Variants in EXOC6B observed in about 807,000 individuals in gnomAD.
The protein encoded by EXOC6B is SEC15 homolog B.
EXOC6B carries 54 observed loss-of-function variants against 113.5 expected under a neutral mutation model. The ratio of observed to expected loss-of-function variants is 0.48; its 90% CI spans 0.38 to 0.60. The LOEUF is 0.60. Among genes scored for constraint, EXOC6B ranks in the 20% least tolerant of loss-of-function variants. The pLI is 0.00. For synonymous variants in EXOC6B, 357 were observed against 339.0 expected, an observed-to-expected ratio of 1.05 and a Z score of -0.58; for missense variants, 797 against 977.5, an observed-to-expected ratio of 0.82 and a Z score of 2.46.
intron 11 of EXOC6B, among the ~76,000 whole-genome samples, chr2:72,512,654 G>C (rs1299010280): frequency 6.6e-6 from 1 of 151,928 alleles, no homozygotes; most frequent in Non-Finnish European, 1.5e-5. Flanking sequence ...AGGCACTATA[G>C]AAGGCAAAAT....
chr2:72,593,682 C>T (rs1183664875), intron 6 of EXOC6B, among the ~76,000 whole-genome samples: 1 of 150,906 alleles, frequency 6.6e-6, no homozygotes, highest in Non-Finnish European at 1.5e-5. Flanking sequence ...TAACAGAGCC[C>T]TCAAATTTGT....
chr2:72,697,425 C>A (rs1033161005), intron 6 of EXOC6B, among the ~76,000 whole-genome samples: 2 of 152,034 alleles, frequency 1.3e-5, no homozygotes, highest in African/African-American at 4.8e-5. Flanking sequence ...GTGGATCCTG[C>A]CTGTAATCCC....
chr2:72,519,117 T>C (rs1701362660), intron 8 of EXOC6B, among the ~76,000 whole-genome samples: 1 of 152,176 alleles, frequency 6.6e-6, no homozygotes, highest in Non-Finnish European at 1.5e-5. Flanking sequence ...GCAATACTCA[T>C]AGTTCTTTCA....
chr2:72,700,902 G>C (rs1231902311), intron 6 of EXOC6B, among the ~76,000 whole-genome samples: 1 of 152,110 alleles, frequency 6.6e-6, no homozygotes, highest in Non-Finnish European at 1.5e-5. Flanking sequence ...AGTGAGCCGA[G>C]ATGGTGCCAC....
intron 19 of EXOC6B, among the ~76,000 whole-genome samples, chr2:72,359,165 C>T (rs1349079078): frequency 6.6e-6 from 1 of 151,956 alleles, no homozygotes; most frequent in African/African-American, 2.4e-5. Context: ...ATTTTTGCTC[C>T]TTGCTGTATT....
At chr2:72,336,526 T>TAAAC (rs10636852) in intron 19 of EXOC6B, among the ~76,000 whole-genome samples, 152,253 of 152,302 alleles carry the variant, frequency 1, 76,102 homozygotes, top group Middle Eastern at 1. Context: ...ACAGATGTAT[T>TAAAC]AACAATATAC....
intron 19 of EXOC6B, among the ~76,000 whole-genome samples, chr2:72,338,297 T>C (rs1260375812): frequency 6.6e-6 from 1 of 152,130 alleles, no homozygotes; most frequent in Non-Finnish European, 1.5e-5. Context: ...TTATAATTAG[T>C]TTTTTAGTGT....
At chr2:72,496,685 T>C (rs992729198) in intron 13 of EXOC6B, 126 bp from the exon 14 acceptor site, 1 of 669,774 alleles carries the variant, frequency 1.5e-6, no homozygotes, top group South Asian at 1.6e-5. Context: ...TTAATATATA[T>C]GCCACAACCC....
chr2:72,664,038 G>C (rs1033791315), intron 6 of EXOC6B, among the ~76,000 whole-genome samples: 17 of 152,202 alleles, frequency 1.1e-4, no homozygotes, highest in African/African-American at 2.6e-4. Context: ...ACCAGGAATG[G>C]TAGTTCACGG....
At chr2:72,226,829 C>T (rs1681272973) in intron 20 of EXOC6B, among the ~76,000 whole-genome samples, 1 of 152,044 alleles carries the variant, frequency 6.6e-6, no homozygotes, top group African/African-American at 2.4e-5. Context: ...ATGTGAACAG[C>T]CAAGTGGTGA....
chr2:72,209,558 T>C (rs1195066602), intron 20 of EXOC6B, among the ~76,000 whole-genome samples: 1 of 152,044 alleles, frequency 6.6e-6, no homozygotes, highest in African/African-American at 2.4e-5. Flanking sequence ...AGCTCAGACT[T>C]CCCTAAAATT....
chr2:72,547,729 GC>G (rs1450763940), intron 8 of EXOC6B, among the ~76,000 whole-genome samples: 1 of 152,078 alleles, frequency 6.6e-6, no homozygotes, highest in Non-Finnish European at 1.5e-5. Context: ...GAGGATTAGG[GC>G]CGACTGAATC....
At chr2:72,234,083 CTTTTT>C (rs34660222) in intron 20 of EXOC6B, among the ~76,000 whole-genome samples, 14 of 131,876 alleles carry the variant, frequency 1.1e-4, no homozygotes, top group African/African-American at 4.1e-4. Flanking sequence ...TGGACCGCCT[CTTTTT>C]TTTTTTTTTT....
chr2:72,283,410 A>C (rs1237459928), intron 20 of EXOC6B, among the ~76,000 whole-genome samples: 2 of 152,164 alleles, frequency 1.3e-5, no homozygotes, highest in Non-Finnish European at 2.9e-5. Context: ...TTGGAAGGAC[A>C]GATAGATAAA....
intron 8 of EXOC6B, among the ~76,000 whole-genome samples, chr2:72,556,435 A>G (rs1007863869): frequency 6.6e-6 from 1 of 152,172 alleles, no homozygotes; most frequent in African/African-American, 2.4e-5. Context: ...AAGAGCAACT[A>G]TCTTTCTTCA....
In EXOC6B at chr2:72,515,113, G is replaced by C; in HGVS notation, c.929C>G (p.Thr310Arg). 1.2e-6 allele frequency: 2 copies of C among 1,602,914 alleles called. No individual in the cohort carries two copies. The highest frequency in any genetic ancestry group is 1.7e-6 in the Non-Finnish European group (2 of 1,174,372). The change falls in exon 9 of 22, where the codon ACA (threonine) becomes AGA (arginine). Residue 310 changes from threonine to arginine, a missense_variant. Physicochemically the swap from Thr to Arg is moderately conservative, Grantham distance 71. Coordinates refer to ENST00000272427, the MANE Select transcript of EXOC6B (RefSeq NM_015189.3). ...CTGTTTTCGGTAGTAATTCTCAAAT[G>C]TTTCCCGGGCACCCTGTAAATAAAG... is the stretch of plus-strand genomic sequence containing the variant. Reference protein sequence around the residue: ...HIYSVLGARETFENYYRKQRR... With the variant: ...HIYSVLGARERFENYYRKQRR...
At chr2:72,338,384 A>C (rs909467999) in intron 19 of EXOC6B, among the ~76,000 whole-genome samples, 1 of 152,166 alleles carries the variant, frequency 6.6e-6, no homozygotes, top group Admixed American at 6.6e-5. Flanking sequence ...AAAAAGGTTA[A>C]GAAACACTGT....
intron 17 of EXOC6B, among the ~76,000 whole-genome samples, chr2:72,465,984 A>C (rs634929): frequency 0.16 from 23,731 of 152,104 alleles, 2,565 homozygotes; most frequent in African/African-American, 0.31. Context: ...CAGATCTACT[A>C]CAAAATCATT....
At chr2:72,487,153 C>T (rs538006573) in intron 16 of EXOC6B, among the ~76,000 whole-genome samples, 1 of 152,296 alleles carries the variant, frequency 6.6e-6, no homozygotes, top group South Asian at 2.1e-4. Flanking sequence ...AACTATGGAA[C>T]CAACATAAAC....
Sources: allele counts gnomAD v4.1 joint callset (sites outside exome capture counted in the v4.1 genomes callset), GRCh38; gene constraint gnomAD v4.1.1; transcripts MANE v1.5; gene names NCBI Gene and HGNC (gene_info 2026-07-23, HGNC 2026-07-21).